Variants in ERBB4 observed in about 807,000 individuals in gnomAD.
The protein encoded by ERBB4 is erb-b2 receptor tyrosine kinase 4.
In ERBB4, 42 loss-of-function variants were observed where a neutral mutation model predicts 158.0. The ratio of observed to expected loss-of-function variants is 0.27; its 90% CI spans 0.21 to 0.34. The LOEUF is 0.34. Among genes scored for constraint, ERBB4 ranks in the 10% least tolerant of loss-of-function variants. The pLI is 1.00. For synonymous variants in ERBB4, 583 were observed against 558.7 expected (o/e 1.04, Z -0.61); for missense variants, 1,333 against 1,624.1 (o/e 0.82, Z 3.08).
intron 1 of ERBB4, among the ~76,000 whole-genome samples, chr2:212,445,003 T>C (rs1393443208): frequency 2.0e-5 from 3 of 151,812 alleles, no homozygotes; most frequent in African/African-American, 4.8e-5. Context: ...TCCACCATCA[T>C]GGTATTCCAC....
At chr2:211,644,796 C>G (rs760471158) in intron 16 of ERBB4, among the ~76,000 whole-genome samples, 2 of 151,880 alleles carry the variant, frequency 1.3e-5, no homozygotes, top group Non-Finnish European at 2.9e-5. Context: ...ATAAACATAA[C>G]GCTTCCCTTT....
At chr2:211,392,659 T>G (rs997178344) in intron 25 of ERBB4, among the ~76,000 whole-genome samples, 2 of 151,684 alleles carry the variant, frequency 1.3e-5, no homozygotes, top group Non-Finnish European at 2.9e-5. Flanking sequence ...CTTATTCTTT[T>G]TTGTTGTTGT....
chr2:211,418,634 T>C (rs1341700997), intron 25 of ERBB4, among the ~76,000 whole-genome samples: 1 of 152,082 alleles, frequency 6.6e-6, no homozygotes, highest in Admixed American at 6.5e-5. Context: ...TAAGAATTCT[T>C]ATAAAAAGAA....
chr2:211,514,517 C>G (rs1238990297), intron 20 of ERBB4, among the ~76,000 whole-genome samples: 1 of 152,128 alleles, frequency 6.6e-6, no homozygotes, highest in Non-Finnish European at 1.5e-5. Context: ...CAAACAGTGA[C>G]TCAATCTTCA....
At chr2:211,421,410 A>C (rs2063512243) in intron 24 of ERBB4, among the ~76,000 whole-genome samples, 3 of 151,846 alleles carry the variant, frequency 2.0e-5, no homozygotes, top group Admixed American at 2.0e-4. Context: ...TCCTAGAGAA[A>C]TATATTATTA....
intron 1 of ERBB4, among the ~76,000 whole-genome samples, chr2:212,154,725 G>T (rs1429039684): frequency 6.7e-6 from 1 of 150,230 alleles, no homozygotes. Context: ...TTTTTAAAAG[G>T]TATCAACCAA....
chr2:211,741,608 T>A (rs560708141), intron 5 of ERBB4, among the ~76,000 whole-genome samples: 4 of 152,160 alleles, frequency 2.6e-5, no homozygotes, highest in Admixed American at 2.6e-4. Flanking sequence ...AGTTTAATAT[T>A]CTTTTTGATC....
intron 1 of ERBB4, among the ~76,000 whole-genome samples, chr2:212,217,927 C>G (rs1574456504): frequency 6.6e-6 from 1 of 151,160 alleles, no homozygotes; most frequent in Non-Finnish European, 1.5e-5. Flanking sequence ...GCACTTAAAT[C>G]TTAAGACAGA....
chr2:212,500,791 T>C (rs758653455), intron 1 of ERBB4, among the ~76,000 whole-genome samples: 38 of 152,136 alleles, frequency 2.5e-4, no homozygotes, highest in Non-Finnish European at 5.9e-5. Flanking sequence ...ACTACACATT[T>C]ACTCTCAGTG....
intron 14 of ERBB4, among the ~76,000 whole-genome samples, chr2:211,668,761 A>T (rs923054130): frequency 1.3e-5 from 2 of 152,158 alleles, no homozygotes; most frequent in African/African-American, 4.8e-5. Context: ...ATATAACTAG[A>T]GGTGACTATG....
chr2:211,669,216 C>CAAAAA (rs71054124), intron 14 of ERBB4, among the ~76,000 whole-genome samples: 239 of 56,000 alleles, frequency 4.3e-3, no homozygotes, highest in African/African-American at 6.2e-3. Flanking sequence ...GAGTGAGTCT[C>CAAAAA]AAAAAAAAAA....
intron 9 of ERBB4, among the ~76,000 whole-genome samples, chr2:211,709,811 G>C (rs1180655499): frequency 6.6e-6 from 1 of 152,128 alleles, no homozygotes; most frequent in Non-Finnish European, 1.5e-5. Context: ...AAAAAGTCGA[G>C]AAGCAATTTA....
intron 15 of ERBB4, among the ~76,000 whole-genome samples, chr2:211,661,390 G>A (rs1330003701): frequency 6.6e-6 from 1 of 151,976 alleles, no homozygotes; most frequent in Non-Finnish European, 1.5e-5. Flanking sequence ...ATCTAGAATA[G>A]TAGAATTATA....
intron 1 of ERBB4, among the ~76,000 whole-genome samples, chr2:212,472,511 T>A (rs1026162086): frequency 1.3e-5 from 2 of 151,718 alleles, no homozygotes; most frequent in Non-Finnish European, 3.0e-5. Context: ...ATTAAGCAAT[T>A]TGAGATGTTT....
At chr2:211,598,783 C>A (rs967267350) in intron 19 of ERBB4, among the ~76,000 whole-genome samples, 1 of 152,018 alleles carries the variant, frequency 6.6e-6, no homozygotes, top group African/African-American at 2.4e-5. Context: ...ACATGTACAC[C>A]ATGTACTAGG....
rs561023984 is a variant in ERBB4 at position 211,596,258 on chromosome 2, CATACTTGCTCTGACAA to C, written c.2301+22903_2301+22918del. ...TGAATGCTTTGAATAATAATGAAAG[CATACTTGCTCTGACAA>C]ATATCAAAATGTCCAATAAAGAGGA... On this transcript the variant is annotated intron_variant, in intron 19 of 27. Transcript: ENST00000342788. Among the ~76,000 whole-genome samples the C allele has an allele frequency of 1.6e-4, 25 of 151,702 alleles. No individual in the cohort carries two copies. The South Asian group carries it at 5.0e-3, about 30-fold the overall frequency.
At chr2:211,678,276 A>G (rs1574970127) in intron 13 of ERBB4, among the ~76,000 whole-genome samples, 1 of 145,320 alleles carries the variant, frequency 6.9e-6, no homozygotes, top group African/African-American at 2.6e-5. Context: ...ATAGACATAA[A>G]AGTGAGTAGA....
intron 20 of ERBB4, among the ~76,000 whole-genome samples, chr2:211,493,960 G>A (rs1251434688): frequency 1.3e-5 from 2 of 152,052 alleles, no homozygotes; most frequent in African/African-American, 2.4e-5. Flanking sequence ...CTAATTTATA[G>A]CATTTGCTGA....
In ERBB4 at chr2:211,380,927, C is replaced by T. The variant is rs2062564165; in HGVS notation, c.*2688G>A. The T allele has an allele frequency of 4.3e-6, 1 of 231,724 alleles. No homozygotes were observed. Among genetic ancestry groups the T allele is most frequent in the Non-Finnish European group, 8.5e-6 (1 of 117,322 alleles). 14.4% of individuals were successfully genotyped at this position (231,724 alleles called of 1,614,324 possible). A position where few individuals can be genotyped will look rare whatever the true frequency, so the allele number is the denominator to read the frequency against. ...CTGCTTTCTATAGCCCAGTAGAAAC[C>T]ATATGCATATTGTAAATCAGAAAAA... On this transcript the variant is annotated 3_prime_UTR_variant, in exon 28 of 28. Coordinates refer to ENST00000342788, the MANE Select transcript of ERBB4 (RefSeq NM_005235.3).
Sources: allele counts gnomAD v4.1 joint callset (sites outside exome capture counted in the v4.1 genomes callset), GRCh38; gene constraint gnomAD v4.1.1; transcripts MANE v1.5; gene names NCBI Gene and HGNC (gene_info 2026-07-23, HGNC 2026-07-21).